The following TDRP variants were observed in gnomAD, a reference collection of about 807,000 sequenced individuals.
The protein encoded by TDRP is testis development related protein.
Under a neutral mutation model 10.5 loss-of-function variants are expected in TDRP, and 12 were observed. The observed-to-expected ratio is 1.15, with a 90% CI of 0.73 to 1.86. The LOEUF (loss-of-function observed/expected upper bound fraction) is 1.86, where lower values mean the gene tolerates loss of function less well. Ranked by LOEUF, TDRP falls within the 40% of genes most tolerant of loss-of-function variation. The probability of loss-of-function intolerance (pLI) is 0.00; values close to 1 mark genes in which losing one functional copy is unlikely to be tolerated. For synonymous variants in TDRP, 139 were observed against 95.4 expected (o/e 1.46, Z -2.67); for missense variants, 353 against 229.2 (o/e 1.54, Z -3.49).
chr8:508,031 G>C, intron 1 of TDRP, among the ~76,000 whole-genome samples: 1 of 152,188 alleles, frequency 6.6e-6, no homozygotes, highest in Non-Finnish European at 1.5e-5. Context: ...CAAACTGCCA[G>C]ATCTGTGGAT....
At chr8:518,848 A>G (rs1239724920) in intron 1 of TDRP, among the ~76,000 whole-genome samples, 1 of 152,212 alleles carries the variant, frequency 6.6e-6, no homozygotes, top group Non-Finnish European at 1.5e-5. Context: ...AACAAATCAA[A>G]TACTGGAGTA....
intron 1 of TDRP, among the ~76,000 whole-genome samples, chr8:497,319 C>T (rs1486484730): frequency 1.8e-4 from 28 of 152,216 alleles, no homozygotes; most frequent in Non-Finnish European, 3.4e-4. Flanking sequence ...TTATCGGAAA[C>T]TGGAGTAAAG....
Position 492,229 on chromosome 8 carries a change from G to C in TDRP, c.*170C>G. ...TACAATCCCTGCACGTGTTCACCAA[G>C]GAGTCACAGTGTGTGTGAGAGTTCA... On this transcript the variant is annotated 3_prime_UTR_variant, in exon 3 of 3. Transcript: ENST00000324079. The C allele has an allele frequency of 7.8e-7, 1 of 1,287,132 alleles. No homozygotes were observed. The highest frequency in any genetic ancestry group is 1.5e-5 in the African/African-American group (1 of 65,834). 79.7% of individuals were successfully genotyped at this position (1,287,132 alleles called of 1,614,324 possible). A position where few individuals can be genotyped will look rare whatever the true frequency, so the allele number is the denominator to read the frequency against.
intron 1 of TDRP, among the ~76,000 whole-genome samples, chr8:521,244 T>A (rs1169638637): frequency 3.4e-3 from 251 of 74,432 alleles, no homozygotes; most frequent in Non-Finnish European, 4.0e-3. Context: ...CTACTAAAAA[T>A]CCAAAAAAAA....
In TDRP at chr8:492,618, T is replaced by A. The variant is rs1199404247; in HGVS notation, c.339A>T (p.Lys113Asn). Residue 113 changes from lysine to asparagine, a missense_variant, in exon 3 of 3, where the codon AAA (lysine) becomes AAT (asparagine). Lys to Asn is a moderately conservative substitution (Grantham distance 94). Transcript: ENST00000324079. ...CAGCCGATATGTCTTCAAGAGCAAG[T>A]TTTGGAGGCTCCCAACCTTCAATTT... is the stretch of plus-strand genomic sequence containing the variant. ...PDEIEGWEPP[K>N]LALEDISADP... The A allele has an allele frequency of 6.2e-7, 1 of 1,613,980 alleles. No individual in the cohort carries two copies. Among genetic ancestry groups the A allele is most frequent in the East Asian group, 2.2e-5 (1 of 44,876 alleles).
At chr8:525,065 G>C (rs1802001924) in intron 1 of TDRP, among the ~76,000 whole-genome samples, 1 of 152,170 alleles carries the variant, frequency 6.6e-6, no homozygotes, top group Admixed American at 6.5e-5. Flanking sequence ...TCTAAAGTCG[G>C]CAAGAGAAAA....
chr8:528,858 T>TGTGC (rs1302134706), intron 1 of TDRP, among the ~76,000 whole-genome samples: 1 of 152,118 alleles, frequency 6.6e-6, no homozygotes, highest in African/African-American at 2.4e-5. Flanking sequence ...TGTGTGTGTG[T>TGTGC]GTGTAAAGGG....
chr8:504,245 T>C (rs552391079), intron 1 of TDRP, among the ~76,000 whole-genome samples: 22 of 152,312 alleles, frequency 1.4e-4, no homozygotes, highest in Admixed American at 1.3e-3. Context: ...AACATATCTT[T>C]TAAAAACAAA....
Position 492,654 on chromosome 8 carries a change from T to C in TDRP, c.303A>G (p.Lys101=). The change falls in exon 3 of 3, where the codon AAA becomes AAG. Residue 101 remains lysine, a synonymous_variant. Transcript: ENST00000324079. ...NLVLKQNIQS[K]KPDEIEGWEP... ...CCCAACCTTCAATTTCATCTGGTTTTTTAGACTGTATATTCTGTTTTAAAA... is the reference window on the plus strand; with the variant it reads ...CCCAACCTTCAATTTCATCTGGTTTCTTAGACTGTATATTCTGTTTTAAAA... 1 of 1,614,052 alleles carries C rather than the reference T, an allele frequency of 6.2e-7. No homozygotes were observed. The highest frequency in any genetic ancestry group is 1.1e-5 in the South Asian group (1 of 91,084).
intron 2 of TDRP, among the ~76,000 whole-genome samples, chr8:493,502 G>A (rs1016017232): frequency 2.0e-5 from 3 of 152,244 alleles, no homozygotes; most frequent in Non-Finnish European, 4.4e-5. Context: ...CAGACCGGGG[G>A]CCCACAGTCC....
upstream of TDRP, chr8:544,852 G>A (rs917967441): frequency 2.1e-6 from 2 of 974,892 alleles, no homozygotes; most frequent in Non-Finnish European, 2.6e-6. Flanking sequence ...GCTCCTGCGG[G>A]ACGCGGGCCC....
chr8:495,291 T>C (rs1047540972), intron 1 of TDRP, among the ~76,000 whole-genome samples: 3 of 151,838 alleles, frequency 2.0e-5, no homozygotes, highest in South Asian at 2.1e-4. Flanking sequence ...TTTGAGAAGG[T>C]TGTTACAAGA....
At chr8:545,601 G>C (rs1335816876), upstream of TDRP, 1 of 152,176 alleles carries the variant, frequency 6.6e-6, no homozygotes, top group African/African-American at 2.4e-5. Flanking sequence ...AGTCCGCGGA[G>C]CGGCGCCTGT....
chr8:529,566 C>G (rs992978766), intron 1 of TDRP, among the ~76,000 whole-genome samples: 9 of 78,376 alleles, frequency 1.1e-4, no homozygotes, highest in Non-Finnish European at 2.0e-4. Flanking sequence ...TGGTGGTGAA[C>G]TTCTTTGGCT....
intron 1 of TDRP, among the ~76,000 whole-genome samples, chr8:512,976 A>G (rs1452983702): frequency 6.6e-6 from 1 of 151,276 alleles, no homozygotes; most frequent in East Asian, 1.9e-4. Context: ...CACCTCAAAA[A>G]AAAAAAAAAC....
chr8:544,553 C>T, intron 1 of TDRP, 97 bp downstream of exon 1: 1 of 869,934 alleles, frequency 1.1e-6, no homozygotes, highest in South Asian at 5.6e-5. Context: ...AAACTGTGCC[C>T]CCAACTACCC....
intron 1 of TDRP, among the ~76,000 whole-genome samples, chr8:517,218 G>C (rs148505847): frequency 1.3e-5 from 2 of 152,224 alleles, no homozygotes; most frequent in Non-Finnish European, 2.9e-5. Flanking sequence ...CTCTGGTACA[G>C]CATCACATGA....
rs768130526 is a variant in TDRP, at chr8:492,634, C to G, written c.323G>C (p.Gly108Ala). Reference protein sequence around the residue: ...IQSKKPDEIEGWEPPKLALED... With the variant: ...IQSKKPDEIEAWEPPKLALED... ...AAGAGCAAGTTTTGGAGGCTCCCAACCTTCAATTTCATCTGGTTTTTTAGA... is the reference window on the plus strand; with the variant it reads ...AAGAGCAAGTTTTGGAGGCTCCCAAGCTTCAATTTCATCTGGTTTTTTAGA... The change falls in exon 3 of 3, where the codon GGT becomes GCT. Residue 108 changes from glycine (G) to alanine (A), a missense_variant. Coordinates refer to ENST00000324079, the MANE Select transcript of TDRP (RefSeq NM_001384899.1). 1.9e-6 allele frequency: 3 copies of G among 1,613,936 alleles called. No homozygotes were observed. In the African/African-American group the frequency reaches 4.0e-5, roughly 22 times the overall value.
intron 1 of TDRP, among the ~76,000 whole-genome samples, chr8:503,781 C>A (rs372209930): frequency 7.0e-5 from 10 of 143,514 alleles, no homozygotes; most frequent in Admixed American, 6.9e-4. Flanking sequence ...CAGAGCCACA[C>A]ACTGGAACCC....
Sources: gnomAD v4.1 joint callset for allele counts (sites outside exome capture counted in the v4.1 genomes callset) on GRCh38, gnomAD v4.1.1 for gene constraint, MANE v1.5 for transcripts, NCBI Gene and HGNC (gene_info 2026-07-23, HGNC 2026-07-21) for gene names.